AHRR: variants seen among roughly 807,000 people sequenced by gnomAD.
The protein encoded by AHRR is ahR repressor.
Under a neutral mutation model 44.0 loss-of-function variants are expected in AHRR, and 28 were observed. The observed-to-expected ratio is 0.64, with a 90% CI of 0.47 to 0.87. The LOEUF (loss-of-function observed/expected upper bound fraction) is 0.87, where lower values mean the gene tolerates loss of function less well. Ranked by LOEUF, AHRR falls within the 40% of genes least tolerant of loss-of-function variation. The pLI is 0.00. For missense variants in AHRR, 990 were observed against 953.9 expected, an observed-to-expected ratio of 1.04 and a Z score of -0.50; for synonymous variants, 434 against 407.0, an observed-to-expected ratio of 1.07 and a Z score of -0.80.
chr5:430,927 A>G (rs904759004), intron 8 of AHRR, among the ~76,000 whole-genome samples: 4 of 152,204 alleles, frequency 2.6e-5, no homozygotes, highest in Admixed American at 2.0e-4. Context: ...CTAAAGGGAA[A>G]AGAAGTAAAT....
intron 4 of AHRR, among the ~76,000 whole-genome samples, chr5:397,712 C>T (rs1262200151): frequency 5.8e-5 from 8 of 138,868 alleles, no homozygotes; most frequent in Non-Finnish European, 1.2e-4. Flanking sequence ...AGCCCCTGAC[C>T]GTCCACGTAG....
intron 9 of AHRR, 73 bp from the exon 10 acceptor site, chr5:432,733 G>C (rs1579716325): frequency 1.9e-6 from 3 of 1,611,524 alleles, no homozygotes; most frequent in Non-Finnish European, 2.5e-6. Flanking sequence ...GCCTTGCTGA[G>C]AACAAGCAAC....
intron 5 of AHRR, chr5:421,249 C>T (rs1736099342): frequency 2.9e-6 from 2 of 696,314 alleles, no homozygotes; most frequent in Admixed American, 2.0e-5. Context: ...GCGGTTCAGC[C>T]ACGGAGCGGA....
chr5:359,932 A>G (rs749536499), intron 3 of AHRR, among the ~76,000 whole-genome samples: 1 of 152,218 alleles, frequency 6.6e-6, no homozygotes, highest in Non-Finnish European at 1.5e-5. Context: ...GCCTGAAGTT[A>G]TACTTTATTA....
chr5:430,367 G>A (rs929411102), intron 8 of AHRR, among the ~76,000 whole-genome samples: 2 of 152,224 alleles, frequency 1.3e-5, no homozygotes, highest in African/African-American at 4.8e-5. Context: ...GGGAGCACCA[G>A]GACCCGCCAC....
intron 1 of AHRR, among the ~76,000 whole-genome samples, chr5:332,040 T>A (rs1270669410): frequency 1.3e-5 from 2 of 152,206 alleles, no homozygotes; most frequent in Admixed American, 6.5e-5. Flanking sequence ...CAGCAATTTT[T>A]AAATTTCCAT....
At chr5:381,833 T>G (rs1734000238) in intron 4 of AHRR, among the ~76,000 whole-genome samples, 1 of 152,182 alleles carries the variant, frequency 6.6e-6, no homozygotes. Flanking sequence ...TTGTTTGTTT[T>G]GTAAATGCCT....
chr5:404,000 G>T, intron 4 of AHRR: 1 of 1,012,266 alleles, frequency 9.9e-7, no homozygotes, highest in South Asian at 1.3e-5. Context: ...ACAGTAATTC[G>T]AACTTGGTGT....
At chr5:397,142 A>C (rs376925188) in intron 4 of AHRR, among the ~76,000 whole-genome samples, 144 of 100,330 alleles carry the variant, frequency 1.4e-3, no homozygotes, top group Admixed American at 2.0e-3. Flanking sequence ...CTGACCATCC[A>C]TGTTAGCCCC....
intron 5 of AHRR, chr5:421,180 G>T (rs550207573): frequency 1.3e-5 from 8 of 603,452 alleles, no homozygotes; most frequent in African/African-American, 7.9e-5. Context: ...GCGCCCGGCT[G>T]GTGCCGGGCA....
chr5:421,387 C>G (rs1736110754), intron 5 of AHRR: 1 of 599,018 alleles, frequency 1.7e-6, no homozygotes. Context: ...TACCAGCCCC[C>G]ACACGGAGGG....
At position 336,128 on chromosome 5, in the gene AHRR, C is replaced by T. The variant is rs373985518; in HGVS notation, c.-10-7765C>T. Among the ~76,000 whole-genome samples the T allele has an allele frequency of 4.5e-4, 68 of 152,364 alleles. No individual in the cohort carries two copies. In the East Asian group the frequency reaches 0.012, roughly 28 times the overall value. ...GTATGAGACCCAGGGCATGTTCCCT[C>T]CTGGAGCACTTCCTTCTCAGTCTCC... On this transcript the variant is annotated intron_variant, in intron 1 of 10. Transcript: ENST00000684583.
chr5:361,774 C>A (rs1038690450), intron 3 of AHRR, among the ~76,000 whole-genome samples: 4 of 152,204 alleles, frequency 2.6e-5, no homozygotes, highest in African/African-American at 9.7e-5. Flanking sequence ...CGTGGCTTGT[C>A]TGGTCTCACA....
In AHRR at chr5:338,289, A is replaced by G. The variant is rs1239098708; in HGVS notation, c.-10-5604A>G. 3.3e-5 allele frequency among the ~76,000 whole-genome samples: 5 copies of G among 152,166 alleles called. No homozygotes were observed. The highest frequency in any genetic ancestry group is 2.1e-4 in the South Asian group (1 of 4,836). On this transcript the variant is annotated intron_variant, in intron 1 of 10. Transcript: ENST00000684583. The surrounding 1 kb of genome is among the most constrained non-coding windows in gnomAD (Gnocchi z 4.1). ...TTGTAGACCCATACTACAATCTGGT[A>G]TCATTTTCCTTTGGCCTGTAATGTT...
intron 3 of AHRR, among the ~76,000 whole-genome samples, chr5:361,659 C>T (rs555058915): frequency 6.6e-6 from 1 of 152,304 alleles, no homozygotes; most frequent in East Asian, 1.9e-4. Context: ...CCTTGCTAGA[C>T]GTGTGACTTG....
chr5:322,139 G>A (rs1367749836), intron 1 of AHRR, among the ~76,000 whole-genome samples: 2 of 152,032 alleles, frequency 1.3e-5, no homozygotes, highest in African/African-American at 2.4e-5. Flanking sequence ...GGGGCTGGGC[G>A]GGTGCGGGCG....
At chr5:334,766 T>C (rs950312888) in intron 1 of AHRR, among the ~76,000 whole-genome samples, 1 of 152,126 alleles carries the variant, frequency 6.6e-6, no homozygotes, top group Non-Finnish European at 1.5e-5. Context: ...CCCTGCTTTT[T>C]CATGTTTCTT....
intron 3 of AHRR, among the ~76,000 whole-genome samples, chr5:366,279 C>T (rs777539573): frequency 9.2e-5 from 14 of 152,082 alleles, no homozygotes; most frequent in Non-Finnish European, 1.5e-5. Context: ...GCAGTGGTCA[C>T]CAGGGATGAA....
At position 377,959 on chromosome 5, in the gene AHRR, A is replaced by G. The variant is rs528932047; in HGVS notation, c.351+1243A>G. Among the ~76,000 whole-genome samples, 112 of 152,356 alleles carry G rather than the reference A, an allele frequency of 7.4e-4. 1 individual carries two copies. The highest frequency in any genetic ancestry group is 2.5e-3 in the African/African-American group (105 of 41,590). ...CCTGGCCTGACTCCCCTACCTGGCC[A>G]GAGTGCTGGTCACACCCACTCTGTT... On this transcript the variant is annotated intron_variant, in intron 4 of 10. Transcript: ENST00000684583.
Sources: allele counts gnomAD v4.1 joint callset (sites outside exome capture counted in the v4.1 genomes callset), GRCh38; gene constraint gnomAD v4.1.1; non-coding constraint Gnocchi (gnomAD v3.1); transcripts MANE v1.5; gene names NCBI Gene and HGNC (gene_info 2026-07-23, HGNC 2026-07-21).